The following EMCN variants were observed in gnomAD, a reference collection of about 807,000 sequenced individuals.
EMCN encodes the protein MUC-14.
EMCN carries 37 observed loss-of-function variants against 38.4 expected under a neutral mutation model. That is an observed-to-expected ratio of 0.96 (90% confidence interval 0.74 to 1.27). The LOEUF (loss-of-function observed/expected upper bound fraction) is 1.27. Ranked by LOEUF, EMCN falls within the 50% of genes most tolerant of loss-of-function variation. The pLI is 0.00. For missense variants in EMCN, 318 were observed against 302.8 expected, an observed-to-expected ratio of 1.05 and a Z score of -0.37; for synonymous variants, 95 against 100.8, an observed-to-expected ratio of 0.94 and a Z score of 0.35.
intron 3 of EMCN, among the ~76,000 whole-genome samples, chr4:100,467,981 A>G (rs1246223436): frequency 6.6e-6 from 1 of 152,196 alleles, no homozygotes; most frequent in African/African-American, 2.4e-5. Context: ...CTGGAGAAAT[A>G]TTAATTTATA....
At chr4:100,484,030 C>T (rs1728879381) in intron 1 of EMCN, among the ~76,000 whole-genome samples, 1 of 152,136 alleles carries the variant, frequency 6.6e-6, no homozygotes, top group Non-Finnish European at 1.5e-5. Context: ...CCTGATTCTA[C>T]CCTGTCCCCA....
At chr4:100,510,124 A>T (rs2110309963) in intron 1 of EMCN, among the ~76,000 whole-genome samples, 1 of 152,284 alleles carries the variant, frequency 6.6e-6, no homozygotes, top group Admixed American at 6.5e-5. Flanking sequence ...TTCCACTAAC[A>T]TATTCAACCT....
At chr4:100,415,822 C>T in intron 10 of EMCN, 76 bp downstream of exon 10, 1 of 1,004,094 alleles carries the variant, frequency 1.0e-6, no homozygotes, top group Non-Finnish European at 1.5e-6. Flanking sequence ...TTATGTTTCA[C>T]ATGAACAAAA....
chr4:100,466,436 A>C (rs1728318526), intron 3 of EMCN, among the ~76,000 whole-genome samples: 1 of 152,224 alleles, frequency 6.6e-6, no homozygotes, highest in African/African-American at 2.4e-5. Context: ...GTGTAATACA[A>C]ATTCTTAGTG....
chr4:100,452,111 T>C (rs1727854463), intron 4 of EMCN, among the ~76,000 whole-genome samples: 1 of 151,976 alleles, frequency 6.6e-6, no homozygotes, highest in Admixed American at 6.6e-5. Context: ...TTATGAAGGG[T>C]ATGATGCCTT....
intron 1 of EMCN, among the ~76,000 whole-genome samples, chr4:100,498,584 C>A (rs568772929): frequency 2.4e-4 from 36 of 151,942 alleles, no homozygotes; most frequent in African/African-American, 8.4e-4. Context: ...TGGGTTCAAG[C>A]GATTCTCCTG....
intron 1 of EMCN, among the ~76,000 whole-genome samples, chr4:100,497,512 G>A (rs1304120854): frequency 6.6e-6 from 1 of 152,026 alleles, no homozygotes; most frequent in Non-Finnish European, 1.5e-5. Context: ...GAGTAGTTGG[G>A]ACTACAGGCA....
intron 7 of EMCN, 142 bp from the exon 8 acceptor site, chr4:100,421,519 C>T: frequency 1.5e-6 from 1 of 679,332 alleles, no homozygotes; most frequent in East Asian, 2.8e-5. Context: ...AAAGATTCCT[C>T]TGATTCATGG....
chr4:100,477,365 C>CT (rs58611516), intron 2 of EMCN, among the ~76,000 whole-genome samples: 39,477 of 152,140 alleles, frequency 0.26, 5,610 homozygotes, highest in African/African-American at 0.36. Flanking sequence ...GCCTTTTGGC[C>CT]TTGCACAAAA....
At chr4:100,509,276 A>T (rs1729563566) in intron 1 of EMCN, among the ~76,000 whole-genome samples, 1 of 152,214 alleles carries the variant, frequency 6.6e-6, no homozygotes, top group Non-Finnish European at 1.5e-5. Flanking sequence ...TAAAACTTGT[A>T]CCCAACAAAT....
chr4:100,415,688 C>G (rs976484293), intron 10 of EMCN, among the ~76,000 whole-genome samples: 5 of 152,122 alleles, frequency 3.3e-5, no homozygotes, highest in African/African-American at 1.2e-4. Context: ...CTATAGAAAG[C>G]AACCTCTAAA....
chr4:100,413,572 T>C, intron 10 of EMCN, among the ~76,000 whole-genome samples: 1 of 152,184 alleles, frequency 6.6e-6, no homozygotes, highest in African/African-American at 2.4e-5. Context: ...CTGTTAATGA[T>C]AGACTTGAAT....
At chr4:100,419,132 C>A (rs1009530497) in intron 8 of EMCN, among the ~76,000 whole-genome samples, 1 of 152,090 alleles carries the variant, frequency 6.6e-6, no homozygotes, top group Non-Finnish European at 1.5e-5. Context: ...CAGATAGATG[C>A]AAGCCAACAG....
At chr4:100,448,939 C>T (rs1247521313) in intron 4 of EMCN, among the ~76,000 whole-genome samples, 3 of 151,838 alleles carry the variant, frequency 2.0e-5, no homozygotes, top group African/African-American at 7.3e-5. Context: ...AAATTGTTTC[C>T]ACAGACCTTT....
chr4:100,517,576 A>T lies in EMCN; in HGVS notation c.64+275T>A, dbSNP rs540445907. On this transcript the variant is annotated intron_variant, in intron 1 of 11. Transcript: ENST00000296420. ...CAGCATTCTATTCCCAGATTTTTATACTCTAAAGAGGCCATTGTATATTTC... is the reference window on the plus strand; with the variant it reads ...CAGCATTCTATTCCCAGATTTTTATTCTCTAAAGAGGCCATTGTATATTTC... Among the ~76,000 whole-genome samples, 5 of 152,148 alleles carry T rather than the reference A, an allele frequency of 3.3e-5. No individual in the cohort carries two copies. The East Asian group carries it at 9.7e-4, about 29-fold the overall frequency.
At chr4:100,515,476 T>G (rs1268317351) in intron 1 of EMCN, among the ~76,000 whole-genome samples, 1 of 152,140 alleles carries the variant, frequency 6.6e-6, no homozygotes, top group Admixed American at 6.6e-5. Flanking sequence ...TGTAGAAAGA[T>G]TCCCTTGATT....
chr4:100,424,098 G>C (rs191010191), intron 5 of EMCN, among the ~76,000 whole-genome samples: 4 of 152,006 alleles, frequency 2.6e-5, no homozygotes, highest in African/African-American at 4.8e-5. Context: ...CAGAAGGACT[G>C]AAGCAAAAAT....
intron 1 of EMCN, among the ~76,000 whole-genome samples, chr4:100,497,104 G>C (rs1174091306): frequency 6.6e-6 from 1 of 151,524 alleles, no homozygotes; most frequent in Non-Finnish European, 1.5e-5. Context: ...TAGAAACTAA[G>C]GGCCATGTAG....
chr4:100,402,129 C>G (rs1315331197), intron 11 of EMCN, among the ~76,000 whole-genome samples: 1 of 152,050 alleles, frequency 6.6e-6, no homozygotes, highest in Middle Eastern at 3.2e-3. Flanking sequence ...TTTGCTACCC[C>G]TCTTGTATAT....
Sources: allele counts gnomAD v4.1 joint callset (sites outside exome capture counted in the v4.1 genomes callset), GRCh38; gene constraint gnomAD v4.1.1; transcripts MANE v1.5; gene names NCBI Gene and HGNC (gene_info 2026-07-23, HGNC 2026-07-21).